BAALC: variants seen among roughly 807,000 people sequenced by gnomAD.
BAALC encodes brain and acute leukemia cytoplasmic protein.
BAALC carries 9 observed loss-of-function variants against 15.5 expected under a neutral mutation model. The observed-to-expected ratio is 0.58, with a 90% CI of 0.35 to 1.02. The LOEUF (loss-of-function observed/expected upper bound fraction) is 1.02. Ranked by LOEUF, BAALC falls within the 50% of genes least tolerant of loss-of-function variation. The pLI is 0.02. For synonymous variants in BAALC, 80 were observed against 74.6 expected, an observed-to-expected ratio of 1.07 and a Z score of -0.37; for missense variants, 201 against 192.4, an observed-to-expected ratio of 1.04 and a Z score of -0.27.
At chr8:103,209,588 A>C (rs1406243758) in intron 1 of BAALC, among the ~76,000 whole-genome samples, 1 of 152,026 alleles carries the variant, frequency 6.6e-6, no homozygotes, top group Non-Finnish European at 1.5e-5. Context: ...AGTTATCCAG[A>C]GGCCAAGGGG....
In BAALC at chr8:103,228,007, A is replaced by G; in HGVS notation, c.346A>G (p.Arg116Gly). The G allele has an allele frequency of 6.2e-7, 1 of 1,613,084 alleles. No homozygotes were observed. ...TTAACAGGCTAAAAGAGATGCTAAG[A>G]GAATGCCTGCAAAAGAAGTCACCAT... ...QTTEAKRDAK[R>G]MPAKEVTINV... Residue 116 changes from arginine (R) to glycine (G), a missense_variant, in exon 3 of 3, where the codon AGA becomes GGA. By Grantham distance (125) the Arg-to-Gly change is moderately radical (BLOSUM62 -2). Transcript: ENST00000309982.
intron 1 of BAALC, among the ~76,000 whole-genome samples, chr8:103,193,783 C>A (rs1330081908): frequency 6.6e-6 from 1 of 152,180 alleles, no homozygotes; most frequent in Admixed American, 6.5e-5. Flanking sequence ...AAAGGTCATA[C>A]AAGGGACAGA....
chr8:103,154,253 TG>T (rs138607128), intron 1 of BAALC, among the ~76,000 whole-genome samples: 45 of 152,222 alleles, frequency 3.0e-4, no homozygotes, highest in Non-Finnish European at 5.6e-4. Context: ...AGCGGTGGGA[TG>T]GCTTGTCTAA....
intron 1 of BAALC, among the ~76,000 whole-genome samples, chr8:103,169,215 A>G (rs1365416081): frequency 5.3e-5 from 8 of 150,514 alleles, no homozygotes; most frequent in Non-Finnish European, 1.2e-4. Flanking sequence ...TTTCTTTTGA[A>G]TTTTTCATTC....
intron 2 of BAALC, among the ~76,000 whole-genome samples, chr8:103,214,444 T>G (rs1005976511): frequency 6.6e-6 from 1 of 152,228 alleles, no homozygotes; most frequent in Non-Finnish European, 1.5e-5. Context: ...TTAAGTTTGA[T>G]AGGCTTAATC....
chr8:103,223,769 T>C (rs757012034), intron 2 of BAALC, among the ~76,000 whole-genome samples: 1 of 152,218 alleles, frequency 6.6e-6, no homozygotes, highest in South Asian at 2.1e-4. Flanking sequence ...CTTTGTATCA[T>C]CTGTGTATCA....
At chr8:103,142,759 C>A (rs1254524522) in intron 1 of BAALC, among the ~76,000 whole-genome samples, 1 of 152,128 alleles carries the variant, frequency 6.6e-6, no homozygotes, top group Admixed American at 6.5e-5. Context: ...TCTATATGTA[C>A]ATACATGTTC....
intron 1 of BAALC, among the ~76,000 whole-genome samples, chr8:103,191,675 G>A (rs1181356193): frequency 2.6e-5 from 4 of 151,890 alleles, no homozygotes; most frequent in African/African-American, 4.8e-5. Flanking sequence ...CGGACTTTAC[G>A]GATGATGATG....
At chr8:103,162,094 G>A (rs951272150) in intron 1 of BAALC, among the ~76,000 whole-genome samples, 1 of 152,132 alleles carries the variant, frequency 6.6e-6, no homozygotes, top group Non-Finnish European at 1.5e-5. Flanking sequence ...CCAAGTAGCT[G>A]GGACCACAGG....
intron 1 of BAALC, among the ~76,000 whole-genome samples, chr8:103,182,091 C>T (rs931124607): frequency 9.2e-5 from 14 of 152,164 alleles, no homozygotes; most frequent in African/African-American, 3.4e-4. Flanking sequence ...CTTCTTTTAT[C>T]TTCCTCATTC....
chr8:103,223,405 A>T lies in BAALC; in HGVS notation c.328-4584A>T, dbSNP rs555352258. Among the ~76,000 whole-genome samples the T allele has an allele frequency of 2.0e-5, 3 of 152,338 alleles. No individual in the cohort carries two copies. The South Asian group carries it at 6.2e-4, about 32-fold the overall frequency. ...CTCTCAATGTTATGTGACATACTTA[A>T]TTCTCTCAAAGAAAAGTAAAGAGCA... On this transcript the variant is annotated intron_variant, in intron 2 of 2. Transcript: ENST00000309982.
chr8:103,177,071 A>G (rs1379412607), intron 1 of BAALC, among the ~76,000 whole-genome samples: 2 of 152,176 alleles, frequency 1.3e-5, no homozygotes, highest in Non-Finnish European at 2.9e-5. Flanking sequence ...TGAAGTTGTT[A>G]AAAGGGATAT....
intron 2 of BAALC, among the ~76,000 whole-genome samples, chr8:103,223,430 A>G (rs968852677): frequency 2.0e-5 from 3 of 152,242 alleles, no homozygotes; most frequent in Non-Finnish European, 1.5e-5. Context: ...AGTAAAGAGC[A>G]GGCATTATTT....
At chr8:103,162,744 A>G (rs898319363) in intron 1 of BAALC, among the ~76,000 whole-genome samples, 6 of 87,602 alleles carry the variant, frequency 6.8e-5, no homozygotes, top group African/African-American at 2.4e-4. Flanking sequence ...TTTCTAGAAA[A>G]GCATGGTAGT....
intron 1 of BAALC, among the ~76,000 whole-genome samples, chr8:103,176,334 AT>A (rs1294831625): frequency 2.0e-5 from 3 of 152,194 alleles, no homozygotes; most frequent in African/African-American, 7.2e-5. Context: ...TGTTCTAGTC[AT>A]TGCAGAATAT....
intron 1 of BAALC, among the ~76,000 whole-genome samples, chr8:103,210,955 A>G (rs962459627): frequency 2.0e-5 from 3 of 152,170 alleles, no homozygotes; most frequent in African/African-American, 7.2e-5. Context: ...ACATTGTTTC[A>G]TAGTCTTCTT....
At chr8:103,153,732 G>A (rs1328130968) in intron 1 of BAALC, among the ~76,000 whole-genome samples, 1 of 152,204 alleles carries the variant, frequency 6.6e-6, no homozygotes, top group East Asian at 1.9e-4. Flanking sequence ...GCTTCTGTTG[G>A]AGAAGCAGCT....
chr8:103,169,922 C>A lies in BAALC; in HGVS notation c.160+28865C>A, dbSNP rs147153256. Among the ~76,000 whole-genome samples the A allele has an allele frequency of 2.0e-4, 31 of 152,240 alleles. No homozygotes were observed. In the East Asian group the frequency reaches 6.0e-3, roughly 29 times the overall value. ...GTTTTCCACAAATGCTTTCTCTCCC[C>A]CTTCCAAAGGTATCTAGTGGCTTCC... On this transcript the variant is annotated intron_variant, in intron 1 of 2. Coordinates refer to ENST00000309982, the MANE Select transcript of BAALC (RefSeq NM_024812.3).
rs759641642 is a variant in BAALC at position 103,212,920 on chromosome 8, C to T, written c.162C>T (p.Gly54=). The T allele has an allele frequency of 6.2e-7, 1 of 1,612,126 alleles. No individual in the cohort carries two copies. Among genetic ancestry groups the T allele is most frequent in the South Asian group, 1.1e-5 (1 of 90,786 alleles). ...CCATCCTCTGCTTACCTCCCCCAGG[C>T]ATGCTGGAAGATGGACTGCCCTCCA... ...SGPEAGGLHS[G]MLEDGLPSNG... is the part of the protein sequence containing the mutation. Residue 54 remains glycine, a splice_region_variant and synonymous_variant, in exon 2 of 3, where the codon GGC becomes GGT. Transcript: ENST00000309982.
Sources: gnomAD v4.1 joint callset for allele counts (sites outside exome capture counted in the v4.1 genomes callset) on GRCh38, gnomAD v4.1.1 for gene constraint, MANE v1.5 for transcripts, NCBI Gene and HGNC (gene_info 2026-07-23, HGNC 2026-07-21) for gene names.